PRKAA2: variants seen among roughly 807,000 people sequenced by gnomAD.
PRKAA2 encodes the protein 5'-AMP-activated protein kinase catalytic subunit alpha-2.
PRKAA2 carries 40 observed loss-of-function variants against 56.3 expected under a neutral mutation model. The observed-to-expected ratio is 0.71, with a 90% CI of 0.55 to 0.92. The LOEUF (loss-of-function observed/expected upper bound fraction) is 0.92. PRKAA2 is among the 40% of genes least tolerant of loss of function. The pLI is 0.00. For synonymous variants in PRKAA2, 214 were observed against 234.2 expected (o/e 0.91, Z 0.79); for missense variants, 542 against 686.9 (o/e 0.79, Z 2.36).
chr1:56,692,517 G>C lies in PRKAA2; in HGVS notation c.475+15G>C, dbSNP rs1310636072. 1.2e-6 allele frequency: 2 copies of C among 1,611,632 alleles called. No homozygotes were observed. Among genetic ancestry groups the C allele is most frequent in the Non-Finnish European group, 1.7e-6 (2 of 1,178,982 alleles). On this transcript the variant is annotated intron_variant, in intron 4 of 8. Transcript: ENST00000371244. ...AGCCGATTTCGGTATGTAACTCCAG[G>C]GTTGTTCAGAAAGGTACTAGCTACC...
chr1:56,704,148 G>A lies in PRKAA2; in HGVS notation c.966G>A (p.Val322=). 6.2e-7 allele frequency: 1 copy of A among 1,613,972 alleles called. No homozygotes were observed. The highest frequency in any genetic ancestry group is 2.2e-5 in the East Asian group (1 of 44,886). ...YSGDPQDQLA[V]AYHLIIDNRR... ...GTGACCCTCAAGACCAGCTTGCAGT[G>A]GCTTATCATCTTATCATTGACAATC... Residue 322 remains valine, a synonymous_variant, in exon 7 of 9, where the codon GTG becomes GTA. Transcript: ENST00000371244.
intron 1 of PRKAA2, among the ~76,000 whole-genome samples, chr1:56,664,164 T>C (rs369626959): frequency 6.6e-6 from 1 of 152,330 alleles, no homozygotes; most frequent in African/African-American, 2.4e-5. Context: ...ACTGCTGATT[T>C]CTTTGAGTCA....
chr1:56,677,813 C>T (rs1024709731), intron 2 of PRKAA2, among the ~76,000 whole-genome samples: 6 of 152,062 alleles, frequency 3.9e-5, no homozygotes, highest in Non-Finnish European at 5.9e-5. Context: ...TGTGCCACCA[C>T]ACCCTGCTAA....
chr1:56,692,150 C>G (rs1331170805), intron 3 of PRKAA2, among the ~76,000 whole-genome samples: 2 of 151,262 alleles, frequency 1.3e-5, no homozygotes, highest in Admixed American at 1.3e-4. Flanking sequence ...TCGTGTCCCA[C>G]TCTCCTGAGT....
intron 1 of PRKAA2, among the ~76,000 whole-genome samples, chr1:56,665,439 C>T (rs1644028595): frequency 6.6e-6 from 1 of 152,068 alleles, no homozygotes; most frequent in Non-Finnish European, 1.5e-5. Flanking sequence ...ATCTTTGCTA[C>T]CTAAAGTTTA....
chr1:56,659,025 A>G (rs1569717246), intron 1 of PRKAA2, among the ~76,000 whole-genome samples: 1 of 145,352 alleles, frequency 6.9e-6, no homozygotes, highest in African/African-American at 2.5e-5. Context: ...CTGGTCTGAA[A>G]CTCCTGGCTT....
intron 2 of PRKAA2, among the ~76,000 whole-genome samples, chr1:56,683,979 C>G (rs1644173823): frequency 6.6e-6 from 1 of 152,074 alleles, no homozygotes; most frequent in Non-Finnish European, 1.5e-5. Context: ...AGCAGGGAAA[C>G]CAATTGGGAG....
At chr1:56,706,924 A>G (rs533866099) in intron 8 of PRKAA2, among the ~76,000 whole-genome samples, 45 of 152,286 alleles carry the variant, frequency 3.0e-4, no homozygotes, top group African/African-American at 9.6e-4. Context: ...TAGTGTTTAT[A>G]TGGATCCCAG....
intron 1 of PRKAA2, among the ~76,000 whole-genome samples, chr1:56,666,070 G>A (rs1039585517): frequency 3.9e-5 from 6 of 152,150 alleles, no homozygotes; most frequent in Non-Finnish European, 5.9e-5. Flanking sequence ...AGAGTGATTA[G>A]CACACCAAAC....
intron 1 of PRKAA2, among the ~76,000 whole-genome samples, chr1:56,662,787 A>G (rs1644005286): frequency 6.6e-6 from 1 of 151,958 alleles, no homozygotes; most frequent in African/African-American, 2.4e-5. Flanking sequence ...TAGGAAACAA[A>G]GTCAGAAGGA....
At chr1:56,659,496 C>CA (rs200680621) in intron 1 of PRKAA2, among the ~76,000 whole-genome samples, 5,498 of 82,660 alleles carry the variant, frequency 0.067, 154 homozygotes, top group East Asian at 0.17. Flanking sequence ...GACTCTGTCT[C>CA]AAAAAAAAAA....
At chr1:56,651,687 A>G (rs72666481) in intron 1 of PRKAA2, among the ~76,000 whole-genome samples, 2,396 of 152,256 alleles carry the variant, frequency 0.016, 25 homozygotes, top group Non-Finnish European at 0.021. Context: ...GAAATGCCAT[A>G]TATAGATGAT....
chr1:56,689,387 C>T (rs1332587412), intron 2 of PRKAA2, among the ~76,000 whole-genome samples: 1 of 152,122 alleles, frequency 6.6e-6, no homozygotes, highest in East Asian at 1.9e-4. Context: ...GAATACCTTG[C>T]CATGTTTCTT....
intron 1 of PRKAA2, among the ~76,000 whole-genome samples, chr1:56,652,101 C>G (rs1218553859): frequency 6.6e-6 from 1 of 151,212 alleles, no homozygotes; most frequent in African/African-American, 2.4e-5. Context: ...CAACCTCTGC[C>G]TCCTGGGTTC....
chr1:56,698,286 T>C (rs1644272384), intron 6 of PRKAA2, among the ~76,000 whole-genome samples: 1 of 152,128 alleles, frequency 6.6e-6, no homozygotes. Context: ...CATGGAAAAA[T>C]TACAAAATAC....
chr1:56,652,537 A>G (rs550488360), intron 1 of PRKAA2, among the ~76,000 whole-genome samples: 1 of 152,370 alleles, frequency 6.6e-6, no homozygotes, highest in Non-Finnish European at 1.5e-5. Flanking sequence ...CATTGGTATA[A>G]GAAGGTATTA....
intron 3 of PRKAA2, 86 bp downstream of exon 3, chr1:56,691,573 C>T: frequency 1.8e-6 from 2 of 1,088,520 alleles, no homozygotes; most frequent in South Asian, 2.1e-5. Context: ...AAGATATCTT[C>T]AAGGTTGAAG....
rs1164141817 is a variant in PRKAA2, at chr1:56,706,116, G to T, written c.1318G>T (p.Val440Leu). 1.9e-6 allele frequency: 3 copies of T among 1,611,234 alleles called. No individual in the cohort carries two copies. The highest frequency in any genetic ancestry group is 3.3e-5 in the Admixed American group (2 of 59,980). ...WKVVNAYHLR[V>L]RRKNPVTGNY... ...GGTAGTGAATGCATACCATCTTCGT[G>T]TAAGAAGAAAAAATCCAGTGACTGG... The change falls in exon 8 of 9, where the codon GTA becomes TTA. Residue 440 changes from valine to leucine, a missense_variant. Coordinates refer to ENST00000371244, the MANE Select transcript of PRKAA2 (RefSeq NM_006252.4).
At chr1:56,689,906 A>G (rs1453719171) in intron 2 of PRKAA2, among the ~76,000 whole-genome samples, 1 of 131,328 alleles carries the variant, frequency 7.6e-6, no homozygotes, top group Non-Finnish European at 1.7e-5. Context: ...AGACACACAC[A>G]CACACACACA....
Sources: gnomAD v4.1 joint callset for allele counts (sites outside exome capture counted in the v4.1 genomes callset) on GRCh38, gnomAD v4.1.1 for gene constraint, MANE v1.5 for transcripts, NCBI Gene and HGNC (gene_info 2026-07-23, HGNC 2026-07-21) for gene names.